ENOX1: variants seen among roughly 807,000 people sequenced by gnomAD.
ENOX1 encodes ecto-NOX disulfide-thiol exchanger 1, also known as candidate growth-related and time keeping constitutive hydroquinone (NADH) oxidase.
ENOX1 carries 42 observed loss-of-function variants against 82.5 expected under a neutral mutation model. The ratio of observed to expected loss-of-function variants is 0.51; its 90% CI spans 0.40 to 0.66. The LOEUF (loss-of-function observed/expected upper bound fraction) is 0.66. ENOX1 is among the 30% of genes least tolerant of loss of function. The probability of loss-of-function intolerance (pLI) is 0.00; values close to 1 mark genes in which losing one functional copy is unlikely to be tolerated. For missense variants in ENOX1, 608 were observed against 811.6 expected, an observed-to-expected ratio of 0.75 and a Z score of 3.05; for synonymous variants, 271 against 282.2, an observed-to-expected ratio of 0.96 and a Z score of 0.40.
At chr13:43,355,867 C>T (rs1056031941) in intron 8 of ENOX1, 52 bp downstream of exon 8, 23 of 1,539,810 alleles carry the variant, frequency 1.5e-5, no homozygotes, top group Middle Eastern at 3.7e-4. Context: ...CACAGGGTTC[C>T]GTGTCTGGGG....
At chr13:43,301,545 A>G (rs1456124504) in intron 11 of ENOX1, among the ~76,000 whole-genome samples, 3 of 147,872 alleles carry the variant, frequency 2.0e-5, no homozygotes, top group Admixed American at 7.0e-5. Flanking sequence ...TGATATCATC[A>G]TATTAAAAAA....
chr13:43,271,139 C>T (rs1467106754), intron 12 of ENOX1, among the ~76,000 whole-genome samples: 1 of 152,074 alleles, frequency 6.6e-6, no homozygotes, highest in Non-Finnish European at 1.5e-5. Flanking sequence ...AAAAATGAGC[C>T]AAATGAAAGA....
At chr13:43,516,679 T>C (rs1021688748) in intron 2 of ENOX1, among the ~76,000 whole-genome samples, 5 of 152,134 alleles carry the variant, frequency 3.3e-5, no homozygotes, top group African/African-American at 1.2e-4. Context: ...AAACTCTAGT[T>C]GGTATTTTAT....
At chr13:43,347,098 T>C (rs1125210) in intron 8 of ENOX1, among the ~76,000 whole-genome samples, 41,851 of 152,030 alleles carry the variant, frequency 0.28, 6,444 homozygotes, top group Non-Finnish European at 0.35. Flanking sequence ...AGTTCATAAA[T>C]AGACTAACTT....
chr13:43,415,270 G>A (rs879939667), intron 3 of ENOX1, among the ~76,000 whole-genome samples: 1 of 17,836 alleles, frequency 5.6e-5, no homozygotes, highest in Non-Finnish European at 1.3e-4. Context: ...AGTATTTATT[G>A]ATCATTCTTG....
Position 43,667,479 on chromosome 13 carries a change from C to T in ENOX1, c.-219G>A. 1 of 985,530 alleles carries T rather than the reference C, an allele frequency of 1.0e-6. No homozygotes were observed. Among genetic ancestry groups the T allele is most frequent in the Non-Finnish European group, 1.2e-6 (1 of 829,928 alleles). The allele number at this position is 985,530 out of a possible 1,614,324, so 61.0% of individuals were successfully genotyped here. ...TGTGGTGCACATACCATCCCTTTAC[C>T]TGAGCATGGTGAGCTCTCTCTCCTC... On this transcript the variant is annotated splice_region_variant and 5_prime_UTR_variant, in exon 2 of 17. Transcript: ENST00000690772.
intron 3 of ENOX1, among the ~76,000 whole-genome samples, chr13:43,462,391 G>C (rs954788700): frequency 6.6e-6 from 1 of 152,204 alleles, no homozygotes; most frequent in Admixed American, 6.5e-5. Flanking sequence ...GTCTGGGTAT[G>C]CAACTCAGGA....
chr13:43,609,242 T>C (rs1258448935), intron 2 of ENOX1, among the ~76,000 whole-genome samples: 4 of 152,216 alleles, frequency 2.6e-5, no homozygotes, highest in Non-Finnish European at 5.9e-5. Flanking sequence ...TATCTGTGAA[T>C]GAAGCTTTTT....
At chr13:43,720,200 T>C (rs1277837263) in intron 1 of ENOX1, among the ~76,000 whole-genome samples, 2 of 152,204 alleles carry the variant, frequency 1.3e-5, no homozygotes, top group African/African-American at 4.8e-5. Context: ...AAGAAAGCAA[T>C]GATCTTATTC....
chr13:43,343,427 A>G (rs2049182079), intron 9 of ENOX1, among the ~76,000 whole-genome samples: 1 of 152,182 alleles, frequency 6.6e-6, no homozygotes, highest in African/African-American at 2.4e-5. Context: ...CCTTTTCTTT[A>G]AAGACAGATT....
At chr13:43,310,197 CAAAAAAAAAAAAA>C (rs10555409) in intron 11 of ENOX1, among the ~76,000 whole-genome samples, 4 of 82,608 alleles carry the variant, frequency 4.8e-5, no homozygotes, top group Non-Finnish European at 9.5e-5. Context: ...GATTCCATCT[CAAAAAAAAAAAAA>C]AAAAAAAAAA....
intron 1 of ENOX1, among the ~76,000 whole-genome samples, chr13:43,776,029 G>A (rs779176820): frequency 7.2e-5 from 11 of 152,106 alleles, no homozygotes; most frequent in Non-Finnish European, 1.5e-4. Context: ...ATATACTTCC[G>A]GAGGCAATAA....
intron 2 of ENOX1, among the ~76,000 whole-genome samples, chr13:43,602,497 T>C (rs2081770543): frequency 6.6e-6 from 1 of 152,124 alleles, no homozygotes; most frequent in Non-Finnish European, 1.5e-5. Context: ...ATTTCCACAT[T>C]TATCTTATAA....
At chr13:43,455,259 T>C (rs1321248982) in intron 3 of ENOX1, among the ~76,000 whole-genome samples, 1 of 152,214 alleles carries the variant, frequency 6.6e-6, no homozygotes, top group East Asian at 1.9e-4. Context: ...CATTGTCTTC[T>C]AGCTTCCAGT....
chr13:43,693,010 AG>A (rs1298377674), intron 1 of ENOX1, among the ~76,000 whole-genome samples: 1 of 152,140 alleles, frequency 6.6e-6, no homozygotes, highest in Non-Finnish European at 1.5e-5. Context: ...TTACAAAAAA[AG>A]CTACACCTAT....
intron 5 of ENOX1, among the ~76,000 whole-genome samples, chr13:43,407,837 C>A (rs139406765): frequency 6.6e-6 from 1 of 152,258 alleles, no homozygotes; most frequent in East Asian, 1.9e-4. Flanking sequence ...TACACCAATG[C>A]ACAAAGTATT....
At chr13:43,696,157 T>C (rs57206956) in intron 1 of ENOX1, among the ~76,000 whole-genome samples, 13,224 of 152,256 alleles carry the variant, frequency 0.087, 908 homozygotes, top group East Asian at 0.26. Context: ...TATTTCATGG[T>C]ATAGATATAT....
intron 2 of ENOX1, among the ~76,000 whole-genome samples, chr13:43,660,391 G>C (rs889526156): frequency 6.6e-5 from 10 of 152,148 alleles, no homozygotes; most frequent in Non-Finnish European, 1.0e-4. Flanking sequence ...TGATCAGTCA[G>C]TCTTTATCCT....
intron 2 of ENOX1, among the ~76,000 whole-genome samples, chr13:43,543,362 C>T (rs765672727): frequency 6.6e-6 from 1 of 151,926 alleles, no homozygotes; most frequent in African/African-American, 2.4e-5. Flanking sequence ...CAGAAGCTAT[C>T]GGAATATACT....
Sources: gnomAD v4.1 joint callset for allele counts (sites outside exome capture counted in the v4.1 genomes callset) on GRCh38, gnomAD v4.1.1 for gene constraint, MANE v1.5 for transcripts, NCBI Gene and HGNC (gene_info 2026-07-23, HGNC 2026-07-21) for gene names.